Variants in PRMT3 observed in about 807,000 individuals in gnomAD.
PRMT3 encodes the protein protein arginine N-methyltransferase 3.
In PRMT3, 62 loss-of-function variants were observed where a neutral mutation model predicts 71.9. The observed-to-expected ratio is 0.86, with a 90% CI of 0.70 to 1.07. The LOEUF (loss-of-function observed/expected upper bound fraction) is 1.07, where lower values mean the gene tolerates loss of function less well. Ranked by LOEUF, PRMT3 falls within the 50% of genes least tolerant of loss-of-function variation. The pLI is 0.00. For missense variants in PRMT3, 663 were observed against 643.0 expected (o/e 1.03, Z -0.34); for synonymous variants, 213 against 220.4 (o/e 0.97, Z 0.30).
At chr11:20,505,050 C>A (rs1851558195) in intron 15 of PRMT3, among the ~76,000 whole-genome samples, 1 of 152,102 alleles carries the variant, frequency 6.6e-6, no homozygotes, top group South Asian at 2.1e-4. Context: ...TTTTTTGAAG[C>A]TGTTGTTTGT....
At chr11:20,391,025 G>C (rs1026234107) in intron 3 of PRMT3, among the ~76,000 whole-genome samples, 2 of 149,874 alleles carry the variant, frequency 1.3e-5, no homozygotes, top group Non-Finnish European at 3.0e-5. Flanking sequence ...ACTACAGCCT[G>C]GGTGACAGAC....
At chr11:20,420,532 A>G (rs1849402708) in intron 9 of PRMT3, among the ~76,000 whole-genome samples, 1 of 152,102 alleles carries the variant, frequency 6.6e-6, no homozygotes, top group Non-Finnish European at 1.5e-5. Context: ...GGGGCAATAC[A>G]TTTTCACGGA....
chr11:20,486,132 A>G (rs2133442285), intron 13 of PRMT3, among the ~76,000 whole-genome samples: 1 of 152,344 alleles, frequency 6.6e-6, no homozygotes, highest in South Asian at 2.1e-4. Context: ...TTCCATTTAG[A>G]TGAAATATCC....
Position 20,408,046 on chromosome 11 carries a change from A to C in PRMT3, c.893+14A>C. On this transcript the variant is annotated intron_variant, in intron 9 of 15. Transcript: ENST00000331079. Reference sequence around the variant, plus strand: ...GGATATTATAAGGTACATATATTTTAAGCCTTCATTTAAGATTATTTTAAA... The same window carrying C: ...GGATATTATAAGGTACATATATTTTCAGCCTTCATTTAAGATTATTTTAAA... 1 of 1,497,966 alleles carries C rather than the reference A, an allele frequency of 6.7e-7. No homozygotes were observed. The highest frequency in any genetic ancestry group is 9.1e-7 in the Non-Finnish European group (1 of 1,104,096). The allele number at this position is 1,497,966 out of a possible 1,614,324, so 92.8% of individuals were successfully genotyped here.
At chr11:20,389,105 A>G (rs1195789590) in intron 2 of PRMT3, among the ~76,000 whole-genome samples, 1 of 152,220 alleles carries the variant, frequency 6.6e-6, no homozygotes, top group Non-Finnish European at 1.5e-5. Context: ...ACATTTGTGG[A>G]AAACTAATGC....
rs1321992124 is a variant in PRMT3 at position 20,392,947 on chromosome 11, G to A, written c.348G>A (p.Glu116=). Residue 116 remains glutamate (E), a synonymous_variant, in exon 5 of 16, where the codon GAG becomes GAA. Coordinates refer to ENST00000331079, the MANE Select transcript of PRMT3 (RefSeq NM_005788.4). Reference sequence around the variant, plus strand: ...CCATATACAACCCAGTGCCTTGGGAGAAAGAAGAGTATTTGAAGCCAGTAT... The same window carrying A: ...CCATATACAACCCAGTGCCTTGGGAAAAAGAAGAGTATTTGAAGCCAGTAT... ...MNSIYNPVPW[E]KEEYLKPVLE... is the part of the protein sequence containing the mutation. 6.2e-7 allele frequency: 1 copy of A among 1,607,304 alleles called. No homozygotes were observed. Among genetic ancestry groups the A allele is most frequent in the Non-Finnish European group, 8.5e-7 (1 of 1,173,870 alleles).
At chr11:20,417,859 T>A (rs1849342662) in intron 9 of PRMT3, among the ~76,000 whole-genome samples, 1 of 152,140 alleles carries the variant, frequency 6.6e-6, no homozygotes, top group Admixed American at 6.6e-5. Flanking sequence ...CATCTTTGTG[T>A]ATGCTGTGTC....
At chr11:20,477,113 A>T (rs550405612) in intron 13 of PRMT3, among the ~76,000 whole-genome samples, 2 of 152,180 alleles carry the variant, frequency 1.3e-5, no homozygotes, top group South Asian at 4.1e-4. Flanking sequence ...GGTTTATTAC[A>T]GTAAGGATGA....
intron 13 of PRMT3, among the ~76,000 whole-genome samples, chr11:20,475,588 T>G (rs1028689906): frequency 6.6e-6 from 1 of 151,892 alleles, no homozygotes; most frequent in African/African-American, 2.4e-5. Context: ...CCTCTTAAAG[T>G]CCTTTATTTT....
At position 20,424,329 on chromosome 11, in the gene PRMT3, C is replaced by T. The variant is rs1849495571; in HGVS notation, c.894-2437C>T. ...AGTAATGAAGAAAGTGTTGTATTGG[C>T]ATAAGGATACACATCTAAATTTGGG... On this transcript the variant is annotated intron_variant, in intron 9 of 15. Transcript: ENST00000331079. 2.0e-5 allele frequency among the ~76,000 whole-genome samples: 3 copies of T among 152,220 alleles called. No homozygotes were observed. In the South Asian group the frequency reaches 6.2e-4, roughly 32 times the overall value.
chr11:20,483,774 G>T (rs766848508), intron 13 of PRMT3, among the ~76,000 whole-genome samples: 3 of 152,114 alleles, frequency 2.0e-5, no homozygotes, highest in Admixed American at 2.0e-4. Flanking sequence ...AAAGACACCC[G>T]TAGCCTTGTA....
intron 15 of PRMT3, among the ~76,000 whole-genome samples, chr11:20,499,880 G>A (rs1296974995): frequency 2.0e-5 from 3 of 152,162 alleles, no homozygotes; most frequent in African/African-American, 7.2e-5. Context: ...TGTGATAACA[G>A]CACATTCTAT....
intron 10 of PRMT3, among the ~76,000 whole-genome samples, chr11:20,442,741 T>C (rs760188911): frequency 1.9e-4 from 29 of 152,256 alleles, no homozygotes; most frequent in Non-Finnish European, 3.7e-4. Context: ...ATAAGGTTTT[T>C]ATTCTTGTGT....
chr11:20,478,337 A>T (rs1850846615), intron 13 of PRMT3, among the ~76,000 whole-genome samples: 3 of 152,178 alleles, frequency 2.0e-5, no homozygotes, highest in Admixed American at 2.0e-4. Context: ...TTAGAATTTT[A>T]GAAAGTTCAG....
intron 11 of PRMT3, among the ~76,000 whole-genome samples, chr11:20,452,771 C>G (rs190504161): frequency 6.6e-6 from 1 of 152,186 alleles, no homozygotes. Context: ...CATATTAACT[C>G]TGCATACTCA....
chr11:20,430,802 A>G (rs1291446228), intron 10 of PRMT3, among the ~76,000 whole-genome samples: 1 of 152,098 alleles, frequency 6.6e-6, no homozygotes, highest in Non-Finnish European at 1.5e-5. Context: ...CATGCTCTAC[A>G]TTTTCATTTT....
At chr11:20,417,410 C>T (rs1236186138) in intron 9 of PRMT3, among the ~76,000 whole-genome samples, 1 of 152,132 alleles carries the variant, frequency 6.6e-6, no homozygotes, top group African/African-American at 2.4e-5. Flanking sequence ...TCTAGGTGAA[C>T]TTTAAATTTG....
chr11:20,489,706 C>G (rs1236057537), intron 13 of PRMT3, among the ~76,000 whole-genome samples: 1 of 151,316 alleles, frequency 6.6e-6, no homozygotes, highest in African/African-American at 2.4e-5. Context: ...AATAGCTTTG[C>G]AGAAATAAAA....
chr11:20,407,889 G>T, intron 8 of PRMT3, 22 bp from the exon 9 acceptor site: 3 of 1,586,460 alleles, frequency 1.9e-6, no homozygotes, highest in South Asian at 2.3e-5. Flanking sequence ...GTTTTGTTTT[G>T]GTTTTTTCTT....
Sources: allele counts gnomAD v4.1 joint callset (sites outside exome capture counted in the v4.1 genomes callset), GRCh38; gene constraint gnomAD v4.1.1; transcripts MANE v1.5; gene names NCBI Gene and HGNC (gene_info 2026-07-23, HGNC 2026-07-21).